Variants in SPAG16 observed in about 807,000 individuals in gnomAD.
The protein encoded by SPAG16 is sperm associated antigen 16.
Under a neutral mutation model 80.4 loss-of-function variants are expected in SPAG16, and 86 were observed. The observed-to-expected ratio is 1.07, with a 90% CI of 0.90 to 1.28. The LOEUF (loss-of-function observed/expected upper bound fraction) is 1.28, where lower values mean the gene tolerates loss of function less well. Ranked by LOEUF, SPAG16 falls within the 50% of genes most tolerant of loss-of-function variation. The pLI is 0.00. For synonymous variants in SPAG16, 294 were observed against 265.9 expected (o/e 1.11, Z -1.03); for missense variants, 870 against 765.3 (o/e 1.14, Z -1.61).
intron 15 of SPAG16, among the ~76,000 whole-genome samples, chr2:214,261,260 C>A (rs1016035428): frequency 6.6e-6 from 1 of 151,912 alleles, no homozygotes; most frequent in Non-Finnish European, 1.5e-5. Context: ...ACCAGCCCCT[C>A]CCACGATACC....
At chr2:213,705,076 C>T (rs2065678244) in intron 10 of SPAG16, among the ~76,000 whole-genome samples, 1 of 151,978 alleles carries the variant, frequency 6.6e-6, no homozygotes, top group African/African-American at 2.4e-5. Context: ...CATGGTGAAA[C>T]CCTGTCCCTA....
At chr2:214,035,724 T>C (rs1432428980) in intron 13 of SPAG16, among the ~76,000 whole-genome samples, 3 of 152,188 alleles carry the variant, frequency 2.0e-5, no homozygotes, top group African/African-American at 4.8e-5. Flanking sequence ...AGCCATGGCT[T>C]GGGTGGCTGT....
chr2:213,833,547 TA>T (rs2073889690), intron 10 of SPAG16, among the ~76,000 whole-genome samples: 6 of 260 alleles, frequency 0.023, 1 homozygote, highest in Non-Finnish European at 0.037. Flanking sequence ...ATAATATATA[TA>T]ATATATATAA....
intron 10 of SPAG16, among the ~76,000 whole-genome samples, chr2:213,652,813 T>C (rs1189377699): frequency 1.3e-5 from 2 of 152,138 alleles, no homozygotes; most frequent in Non-Finnish European, 2.9e-5. Flanking sequence ...ATAGGTTGCC[T>C]TTTTATCCTC....
At chr2:213,900,780 A>C (rs1268637532) in intron 11 of SPAG16, among the ~76,000 whole-genome samples, 1 of 152,144 alleles carries the variant, frequency 6.6e-6, no homozygotes, top group African/African-American at 2.4e-5. Flanking sequence ...ACCTACTCAT[A>C]TGTATAGATT....
At chr2:214,321,559 T>C (rs1340696151) in intron 15 of SPAG16, among the ~76,000 whole-genome samples, 1 of 152,234 alleles carries the variant, frequency 6.6e-6, no homozygotes, top group Non-Finnish European at 1.5e-5. Flanking sequence ...TTCCCCAAAT[T>C]GTTCTAATTT....
chr2:213,313,796 C>G (rs1376279287), intron 4 of SPAG16, among the ~76,000 whole-genome samples: 1 of 151,740 alleles, frequency 6.6e-6, no homozygotes, highest in Non-Finnish European at 1.5e-5. Context: ...GAGGGACTGT[C>G]TGGTTCTAAG....
chr2:214,394,838 C>G (rs1701273694), intron 15 of SPAG16, among the ~76,000 whole-genome samples: 2 of 152,158 alleles, frequency 1.3e-5, no homozygotes, highest in South Asian at 4.1e-4. Flanking sequence ...TTTCACTGGC[C>G]TAAAAATCCT....
chr2:213,702,811 C>G (rs73086651), intron 10 of SPAG16, among the ~76,000 whole-genome samples: 4,387 of 152,098 alleles, frequency 0.029, 214 homozygotes, highest in African/African-American at 0.099. Context: ...TGATATATAT[C>G]AAGAAGATTT....
At chr2:214,219,510 A>G (rs1314496599) in intron 15 of SPAG16, among the ~76,000 whole-genome samples, 4 of 152,264 alleles carry the variant, frequency 2.6e-5, no homozygotes, top group Admixed American at 2.0e-4. Flanking sequence ...TCACATATAT[A>G]AAGTGCTAAG....
At chr2:214,346,766 T>C (rs1424616103) in intron 15 of SPAG16, among the ~76,000 whole-genome samples, 1 of 152,158 alleles carries the variant, frequency 6.6e-6, no homozygotes, top group Non-Finnish European at 1.5e-5. Flanking sequence ...AAGCCCATTC[T>C]TCCAGCCATT....
At chr2:213,962,099 C>G (rs967924191) in intron 12 of SPAG16, among the ~76,000 whole-genome samples, 1 of 151,910 alleles carries the variant, frequency 6.6e-6, no homozygotes, top group Non-Finnish European at 1.5e-5. Context: ...AGCCCTAAGC[C>G]CCAAGTAATT....
intron 11 of SPAG16, among the ~76,000 whole-genome samples, chr2:213,919,561 T>C (rs752852390): frequency 2.0e-5 from 3 of 152,238 alleles, no homozygotes; most frequent in Non-Finnish European, 2.9e-5. Flanking sequence ...TCAAAAGCCA[T>C]TCAAGTGCAG....
intron 10 of SPAG16, among the ~76,000 whole-genome samples, chr2:213,769,021 A>G (rs994863598): frequency 5.9e-5 from 9 of 152,176 alleles, no homozygotes; most frequent in Non-Finnish European, 7.4e-5. Flanking sequence ...AGAAAGAATT[A>G]GTTGATGATA....
chr2:213,686,657 G>T (rs1364922521), intron 10 of SPAG16, among the ~76,000 whole-genome samples: 2 of 139,988 alleles, frequency 1.4e-5, no homozygotes, highest in Non-Finnish European at 3.1e-5. Context: ...TATTGGTATG[G>T]TTAGGTATTA....
intron 10 of SPAG16, among the ~76,000 whole-genome samples, chr2:213,604,552 C>T (rs866195338): frequency 1.3e-5 from 2 of 152,160 alleles, no homozygotes; most frequent in African/African-American, 4.8e-5. Flanking sequence ...TCAGTATCTT[C>T]CATATTCTCA....
chr2:213,540,980 C>T (rs568131534), intron 10 of SPAG16, among the ~76,000 whole-genome samples: 3 of 152,330 alleles, frequency 2.0e-5, no homozygotes, highest in African/African-American at 2.4e-5. Flanking sequence ...TGCGTGTGCA[C>T]GCAGGTGCAC....
At chr2:213,500,708 G>T (rs953148600) in intron 10 of SPAG16, among the ~76,000 whole-genome samples, 1 of 152,208 alleles carries the variant, frequency 6.6e-6, no homozygotes, top group Non-Finnish European at 1.5e-5. Context: ...GCCTTAGAGT[G>T]GGGTGGTAGG....
chr2:213,299,435 TA>T (rs1332236465), intron 3 of SPAG16, among the ~76,000 whole-genome samples: 4 of 29,370 alleles, frequency 1.4e-4, no homozygotes, highest in African/African-American at 1.8e-4. Context: ...CACACCGAGC[TA>T]ATTTTTTTTT....
Sources: gnomAD v4.1 joint callset for allele counts (sites outside exome capture counted in the v4.1 genomes callset) on GRCh38, gnomAD v4.1.1 for gene constraint, MANE v1.5 for transcripts, NCBI Gene and HGNC (gene_info 2026-07-23, HGNC 2026-07-21) for gene names.